Variants in ADAM12 observed in about 807,000 individuals in gnomAD.
ADAM12 encodes ADAM metallopeptidase domain 12, also known as disintegrin and metalloproteinase domain-containing protein 12.
ADAM12 carries 70 observed loss-of-function variants against 106.4 expected under a neutral mutation model. The ratio of observed to expected loss-of-function variants is 0.66; its 90% confidence interval spans 0.54 to 0.80. The LOEUF is 0.80. Ranked by LOEUF, ADAM12 falls within the 30% of genes least tolerant of loss-of-function variation. The pLI, the probability that ADAM12 is intolerant of heterozygous loss-of-function variation, is 0.00. For synonymous variants in ADAM12, 420 were observed against 433.5 expected (o/e 0.97, Z 0.39); for missense variants, 1,010 against 1,171.9 (o/e 0.86, Z 2.02).
intron 3 of ADAM12, among the ~76,000 whole-genome samples, chr10:126,218,099 G>T (rs2366475): frequency 0.99 from 151,028 of 152,070 alleles, 75,011 homozygotes; most frequent in East Asian, 1. Flanking sequence ...TGAGCTGCTA[G>T]GAATAACAGT....
chr10:126,035,036 A>G (rs1954033933), intron 21 of ADAM12, among the ~76,000 whole-genome samples: 1 of 152,188 alleles, frequency 6.6e-6, no homozygotes, highest in East Asian at 1.9e-4. Context: ...AGACACAATT[A>G]TAGTGGAAAA....
chr10:126,329,190 C>T (rs1854416570), intron 2 of ADAM12, among the ~76,000 whole-genome samples: 2 of 151,776 alleles, frequency 1.3e-5, no homozygotes, highest in Non-Finnish European at 1.5e-5. Flanking sequence ...AAATTAAATA[C>T]ATTGTTTATT....
chr10:126,229,680 C>G (rs555325127), intron 3 of ADAM12, among the ~76,000 whole-genome samples: 1 of 134,968 alleles, frequency 7.4e-6, no homozygotes, highest in Non-Finnish European at 1.6e-5. Flanking sequence ...TTCTCTTTAT[C>G]TCTCCCGCCT....
intron 3 of ADAM12, among the ~76,000 whole-genome samples, chr10:126,214,777 C>A (rs1304940841): frequency 6.6e-6 from 1 of 152,204 alleles, no homozygotes; most frequent in Non-Finnish European, 1.5e-5. Context: ...CCTAGTTAAT[C>A]ACAGGTGGCT....
intron 1 of ADAM12, among the ~76,000 whole-genome samples, chr10:126,344,427 C>T (rs567494640): frequency 2.0e-5 from 3 of 152,232 alleles, no homozygotes; most frequent in Non-Finnish European, 4.4e-5. Flanking sequence ...TTACTATAGC[C>T]TTGTAGTATA....
At chr10:126,297,280 C>T (rs1053034019) in intron 2 of ADAM12, among the ~76,000 whole-genome samples, 3 of 152,158 alleles carry the variant, frequency 2.0e-5, no homozygotes, top group African/African-American at 4.8e-5. Flanking sequence ...AAAACATAAG[C>T]GCCTGTAATC....
intron 3 of ADAM12, among the ~76,000 whole-genome samples, chr10:126,174,958 G>A (rs549947711): frequency 1.2e-4 from 18 of 152,086 alleles, no homozygotes; most frequent in Non-Finnish European, 2.2e-4. Context: ...GGGTTTCACT[G>A]TGTTAGCCAG....
intron 11 of ADAM12, among the ~76,000 whole-genome samples, chr10:126,074,357 C>T (rs1056445211): frequency 6.6e-6 from 1 of 152,120 alleles, no homozygotes; most frequent in African/African-American, 2.4e-5. Flanking sequence ...AGACCAGCTC[C>T]GTTCACTAAG....
At chr10:126,167,578 TCAGTTCATACTATTC>T (rs1162931257) in intron 3 of ADAM12, among the ~76,000 whole-genome samples, 1 of 152,230 alleles carries the variant, frequency 6.6e-6, no homozygotes, top group African/African-American at 2.4e-5. Context: ...TTTATGTGTA[TCAGTTCATACTATTC>T]CATGCGTAAA....
chr10:126,123,009 TTC>T (rs1230841965), intron 5 of ADAM12, among the ~76,000 whole-genome samples: 3 of 152,242 alleles, frequency 2.0e-5, no homozygotes, highest in Admixed American at 1.3e-4. Flanking sequence ...CGTAAAAATA[TTC>T]TCTTATCTTC....
At chr10:126,054,958 T>G (rs1453089404) in intron 14 of ADAM12, among the ~76,000 whole-genome samples, 1 of 152,124 alleles carries the variant, frequency 6.6e-6, no homozygotes, top group Non-Finnish European at 1.5e-5. Context: ...CAGTAGGGGC[T>G]TTACATCCAT....
chr10:126,318,567 C>CACACTCTCTCAT, intron 2 of ADAM12, among the ~76,000 whole-genome samples: 1 of 152,032 alleles, frequency 6.6e-6, no homozygotes, highest in South Asian at 2.1e-4. Flanking sequence ...TTCACACTCA[C>CACACTCTCTCAT]ACACTCACAT....
chr10:126,156,233 GAA>G (rs1407992039), intron 3 of ADAM12, among the ~76,000 whole-genome samples: 1 of 145,526 alleles, frequency 6.9e-6, no homozygotes, highest in East Asian at 2.0e-4. Context: ...TCACAGAGTA[GAA>G]ACAGAGTCCT....
chr10:126,173,065 A>G (rs1374668744), intron 3 of ADAM12, among the ~76,000 whole-genome samples: 2 of 152,164 alleles, frequency 1.3e-5, no homozygotes, highest in African/African-American at 4.8e-5. Flanking sequence ...ATGAGAACAC[A>G]TGGACATAGG....
chr10:126,366,080 TAGAC>T (rs1315062782), intron 1 of ADAM12, among the ~76,000 whole-genome samples: 2 of 152,070 alleles, frequency 1.3e-5, no homozygotes, highest in Non-Finnish European at 2.9e-5. Context: ...AGTACAAGAA[TAGAC>T]AGATCAATAT....
At chr10:126,022,434 AGATGCTGGCTTCCT>A (rs1953785948) in intron 21 of ADAM12, among the ~76,000 whole-genome samples, 1 of 152,204 alleles carries the variant, frequency 6.6e-6, no homozygotes, top group Non-Finnish European at 1.5e-5. Context: ...TGCCTAGGTA[AGATGCTGGCTTCCT>A]GCCAGGGCTT....
rs555735468 is a variant in ADAM12 at position 126,190,810 on chromosome 10, C to T, written c.261-35505G>A. Among the ~76,000 whole-genome samples the T allele has an allele frequency of 3.3e-5, 5 of 152,004 alleles. No homozygotes were observed. The East Asian group carries it at 7.7e-4, about 24-fold the overall frequency. ...AGGTTTGGGGAGGAATGTTCCCACA[C>T]AGGGCAGAGGCAGGAAAGAGCAGAG... On this transcript the variant is annotated intron_variant, in intron 3 of 22. Coordinates refer to ENST00000448723, the MANE Select transcript of ADAM12 (RefSeq NM_001288973.2).
intron 2 of ADAM12, among the ~76,000 whole-genome samples, chr10:126,327,974 C>A (rs1007810916): frequency 6.6e-6 from 1 of 152,204 alleles, no homozygotes; most frequent in Admixed American, 6.5e-5. Context: ...CCTCCCTGCT[C>A]CTCCAGCCTC....
intron 11 of ADAM12, among the ~76,000 whole-genome samples, chr10:126,092,643 C>T (rs1270595745): frequency 6.6e-6 from 1 of 152,204 alleles, no homozygotes; most frequent in Non-Finnish European, 1.5e-5. Flanking sequence ...TCTGTCATTA[C>T]ACACTCACAA....
Sources: gnomAD v4.1 joint callset for allele counts (sites outside exome capture counted in the v4.1 genomes callset) on GRCh38, gnomAD v4.1.1 for gene constraint, MANE v1.5 for transcripts, NCBI Gene and HGNC (gene_info 2026-07-23, HGNC 2026-07-21) for gene names.